NCKAP5: variants seen among roughly 807,000 people sequenced by gnomAD.
NCKAP5 encodes the protein NCK associated protein 5, also known as nck-associated protein 5.
Under a neutral mutation model 167.0 loss-of-function variants are expected in NCKAP5, and 92 were observed. The ratio of observed to expected loss-of-function variants is 0.55; its 90% CI spans 0.47 to 0.66. The LOEUF (loss-of-function observed/expected upper bound fraction) is 0.66, where lower values mean the gene tolerates loss of function less well. Ranked by LOEUF, NCKAP5 falls within the 30% of genes least tolerant of loss-of-function variation. The pLI, the probability that NCKAP5 is intolerant of heterozygous loss-of-function variation, is 0.00. For synonymous variants in NCKAP5, 891 were observed against 877.4 expected, an observed-to-expected ratio of 1.02 and a Z score of -0.27; for missense variants, 2,378 against 2,315.0, an observed-to-expected ratio of 1.03 and a Z score of -0.56.
intron 11 of NCKAP5, among the ~76,000 whole-genome samples, chr2:132,814,463 C>T (rs533189847): frequency 1.6e-3 from 243 of 152,304 alleles, no homozygotes; most frequent in Non-Finnish European, 2.5e-3. Context: ...CTGCAAAATA[C>T]ATTTCACTAA....
chr2:133,390,123 T>C (rs1687291419), intron 3 of NCKAP5, among the ~76,000 whole-genome samples: 1 of 152,198 alleles, frequency 6.6e-6, no homozygotes, highest in African/African-American at 2.4e-5. Context: ...TAAATTACCC[T>C]GTGTCCCATG....
chr2:133,599,578 T>C, the NCKAP5 span, among the ~76,000 whole-genome samples: 3 of 152,094 alleles, frequency 2.0e-5, no homozygotes, highest in South Asian at 6.2e-4. Flanking sequence ...AATTGGATAA[T>C]GCATACATTA....
At chr2:133,647,782 AAG>A in the NCKAP5 span, among the ~76,000 whole-genome samples, 4 of 150,246 alleles carry the variant, frequency 2.7e-5, no homozygotes, top group African/African-American at 9.8e-5. Context: ...AAAGAAAAAA[AAG>A]AAAAGAAAAA....
At chr2:133,292,493 CTTTTA>C (rs899296714) in intron 4 of NCKAP5, among the ~76,000 whole-genome samples, 5 of 152,020 alleles carry the variant, frequency 3.3e-5, no homozygotes, top group African/African-American at 9.7e-5. Context: ...TGCTTGAGGC[CTTTTA>C]TTTTAATTTC....
At chr2:132,853,665 A>T (rs939398841) in intron 11 of NCKAP5, among the ~76,000 whole-genome samples, 4 of 152,168 alleles carry the variant, frequency 2.6e-5, no homozygotes, top group African/African-American at 9.7e-5. Flanking sequence ...AACCCATGAA[A>T]CAATATGGAA....
chr2:132,863,753 G>C (rs957827011), intron 10 of NCKAP5, among the ~76,000 whole-genome samples: 1 of 152,148 alleles, frequency 6.6e-6, no homozygotes, highest in Admixed American at 6.6e-5. Context: ...AATCGCTTGC[G>C]TTGTTTTTAA....
chr2:133,451,235 C>G (rs1042636266), intron 3 of NCKAP5, among the ~76,000 whole-genome samples: 5 of 152,198 alleles, frequency 3.3e-5, no homozygotes, highest in African/African-American at 1.2e-4. Flanking sequence ...TTACTCTGAT[C>G]TTACAGTCAT....
intron 3 of NCKAP5, among the ~76,000 whole-genome samples, chr2:133,466,595 T>C (rs1279602844): frequency 6.6e-6 from 1 of 152,188 alleles, no homozygotes; most frequent in African/African-American, 2.4e-5. Context: ...AAAAATTACC[T>C]TGGGCAGTAT....
At chr2:133,505,340 C>T (rs1348341702) in intron 3 of NCKAP5, among the ~76,000 whole-genome samples, 1 of 152,092 alleles carries the variant, frequency 6.6e-6, no homozygotes, top group Non-Finnish European at 1.5e-5. Flanking sequence ...TGGCAGATAA[C>T]ATCATGGATA....
At chr2:133,358,317 C>T (rs1299256767) in intron 3 of NCKAP5, among the ~76,000 whole-genome samples, 1 of 152,068 alleles carries the variant, frequency 6.6e-6, no homozygotes, top group Non-Finnish European at 1.5e-5. Flanking sequence ...GGCTCACACC[C>T]GTAATCTCAG....
At chr2:133,264,919 C>G (rs993018041) in intron 4 of NCKAP5, 1 of 152,140 alleles carries the variant, frequency 6.6e-6, no homozygotes, top group African/African-American at 2.4e-5. Flanking sequence ...AACAAAACCC[C>G]CACAAAATAG....
At chr2:133,450,244 T>C (rs1216515364) in intron 3 of NCKAP5, among the ~76,000 whole-genome samples, 2 of 152,214 alleles carry the variant, frequency 1.3e-5, no homozygotes, top group Non-Finnish European at 2.9e-5. Flanking sequence ...TGTTCTGTTA[T>C]CCATCCCTCA....
intron 6 of NCKAP5, among the ~76,000 whole-genome samples, chr2:133,125,982 TA>T (rs1262933893): frequency 1.3e-5 from 2 of 152,182 alleles, no homozygotes; most frequent in Non-Finnish European, 2.9e-5. Flanking sequence ...CAAGCATTTG[TA>T]TAGATTTTTA....
intron 8 of NCKAP5, among the ~76,000 whole-genome samples, chr2:132,955,075 T>C (rs1187341267): frequency 6.6e-6 from 1 of 152,202 alleles, no homozygotes; most frequent in Non-Finnish European, 1.5e-5. Flanking sequence ...AGGAAACAAT[T>C]ATGAATTTCT....
intron 4 of NCKAP5, among the ~76,000 whole-genome samples, chr2:133,219,753 T>G (rs901344616): frequency 6.6e-6 from 1 of 152,194 alleles, no homozygotes; most frequent in African/African-American, 2.4e-5. Context: ...AAACGTTATT[T>G]TTGTATGAAA....
intron 5 of NCKAP5, among the ~76,000 whole-genome samples, chr2:133,203,996 T>C (rs1174130514): frequency 1.3e-5 from 2 of 152,208 alleles, no homozygotes; most frequent in Non-Finnish European, 2.9e-5. Context: ...AACCTTTTGC[T>C]CAACAGAAGT....
chr2:133,329,073 C>T (rs1034323283), intron 3 of NCKAP5, among the ~76,000 whole-genome samples: 1 of 152,164 alleles, frequency 6.6e-6, no homozygotes, highest in Non-Finnish European at 1.5e-5. Flanking sequence ...ACATAGCTTG[C>T]CGTTAATACT....
At chr2:133,603,210 T>G in the NCKAP5 span, among the ~76,000 whole-genome samples, 4 of 140,530 alleles carry the variant, frequency 2.8e-5, no homozygotes, top group African/African-American at 5.6e-5. Flanking sequence ...GCATCGGTTT[T>G]TTTTTTTCTT....
chr2:132,867,805 T>A (rs1193472967), intron 10 of NCKAP5, among the ~76,000 whole-genome samples: 3 of 152,182 alleles, frequency 2.0e-5, no homozygotes, highest in Non-Finnish European at 4.4e-5. Flanking sequence ...AGAACTAACA[T>A]TTTAGCTTAT....
Sources: gnomAD v4.1 joint callset for allele counts (sites outside exome capture counted in the v4.1 genomes callset) on GRCh38, gnomAD v4.1.1 for gene constraint, MANE v1.5 for transcripts, NCBI Gene and HGNC (gene_info 2026-07-23, HGNC 2026-07-21) for gene names.